Variants in PDE1C observed in about 807,000 individuals in gnomAD.
PDE1C encodes the protein phosphodiesterase 1C, also known as dual specificity calcium/calmodulin-dependent 3',5'-cyclic nucleotide phosphodiesterase 1C.
A neutral mutation model predicts 93.1 loss-of-function variants in PDE1C; 62 were observed. That is an observed-to-expected ratio of 0.67 (90% CI 0.54 to 0.82). The LOEUF is 0.82. Ranked by LOEUF, PDE1C falls within the 40% of genes least tolerant of loss-of-function variation. The probability of loss-of-function intolerance (pLI) is 0.00; values close to 1 mark genes in which losing one functional copy is unlikely to be tolerated. For missense variants in PDE1C, 742 were observed against 884.6 expected (o/e 0.84, Z 2.04); for synonymous variants, 325 against 310.1 (o/e 1.05, Z -0.50).
intron 1 of PDE1C, among the ~76,000 whole-genome samples, chr7:32,293,157 T>C (rs1199463033): frequency 6.6e-6 from 1 of 152,216 alleles, no homozygotes; most frequent in Non-Finnish European, 1.5e-5. Context: ...GCACTGTGCA[T>C]GGCCCTTCAT....
intron 3 of PDE1C, among the ~76,000 whole-genome samples, chr7:32,129,582 G>A (rs1799810389): frequency 6.6e-6 from 1 of 151,818 alleles, no homozygotes; most frequent in South Asian, 2.1e-4. Context: ...GTTAACATCA[G>A]TAGTGGTTTA....
At chr7:31,921,790 T>C (rs1802655249) in intron 2 of PDE1C, among the ~76,000 whole-genome samples, 1 of 152,222 alleles carries the variant, frequency 6.6e-6, no homozygotes, top group Non-Finnish European at 1.5e-5. Flanking sequence ...ATATAATGCT[T>C]TTACTGTTAT....
At chr7:32,307,148 A>C (rs1191078902) in intron 1 of PDE1C, among the ~76,000 whole-genome samples, 1 of 152,184 alleles carries the variant, frequency 6.6e-6, no homozygotes, top group Non-Finnish European at 1.5e-5. Context: ...AAATATCCAA[A>C]TTCTCAGTGA....
intron 1 of PDE1C, among the ~76,000 whole-genome samples, chr7:32,054,045 G>A (rs1296974283): frequency 1.3e-5 from 2 of 151,912 alleles, no homozygotes. Context: ...TATAAAGTGA[G>A]GTAGCAGGAA....
downstream of PDE1C, among the ~76,000 whole-genome samples, chr7:31,749,147 G>T (rs181208375): frequency 2.0e-5 from 3 of 152,164 alleles, no homozygotes; most frequent in East Asian, 5.8e-4. Flanking sequence ...GGCTTAACTG[G>T]CTTGCAGAAG....
At chr7:32,265,572 G>A (rs1810514793) in intron 1 of PDE1C, among the ~76,000 whole-genome samples, 1 of 152,160 alleles carries the variant, frequency 6.6e-6, no homozygotes, top group Non-Finnish European at 1.5e-5. Flanking sequence ...CAAACGTTGA[G>A]GGCATAATTT....
intron 1 of PDE1C, among the ~76,000 whole-genome samples, chr7:32,384,120 C>T (rs1320174840): frequency 6.6e-6 from 1 of 152,188 alleles, no homozygotes; most frequent in East Asian, 1.9e-4. Context: ...CCCATATTCA[C>T]CATCTATACA....
At chr7:32,049,198 A>G (rs994245298) in intron 2 of PDE1C, among the ~76,000 whole-genome samples, 2 of 152,190 alleles carry the variant, frequency 1.3e-5, no homozygotes, top group African/African-American at 4.8e-5. Context: ...CCGTGAGTCC[A>G]ACGAACCTGA....
chr7:32,247,902 T>C (rs1809083496), intron 1 of PDE1C, among the ~76,000 whole-genome samples: 1 of 152,120 alleles, frequency 6.6e-6, no homozygotes, highest in Non-Finnish European at 1.5e-5. Context: ...ATAGTACTAG[T>C]ACAATGGGCA....
At chr7:31,778,437 G>A (rs912567667) in intron 16 of PDE1C, among the ~76,000 whole-genome samples, 6 of 152,170 alleles carry the variant, frequency 3.9e-5, no homozygotes, top group Admixed American at 3.3e-4. Context: ...CATTTGGGCT[G>A]TACAATTCTT....
intron 2 of PDE1C, among the ~76,000 whole-genome samples, chr7:31,930,122 T>G (rs143583817): frequency 0.033 from 4,993 of 152,208 alleles, 276 homozygotes; most frequent in African/African-American, 0.11. Flanking sequence ...CATTAGAGAA[T>G]ACTATAAACA....
intron 2 of PDE1C, among the ~76,000 whole-genome samples, chr7:32,035,653 C>A (rs772190945): frequency 2.0e-5 from 3 of 152,118 alleles, no homozygotes; most frequent in Admixed American, 6.5e-5. Flanking sequence ...TATTTCCTTG[C>A]GGGGGTAAAG....
At chr7:32,029,099 T>A (rs1160840876) in intron 2 of PDE1C, among the ~76,000 whole-genome samples, 1 of 152,096 alleles carries the variant, frequency 6.6e-6, no homozygotes. Flanking sequence ...TAGATATTTC[T>A]CCAATGAAGA....
chr7:32,059,414 A>C (rs2128705868), intron 1 of PDE1C, among the ~76,000 whole-genome samples: 1 of 152,304 alleles, frequency 6.6e-6, no homozygotes, highest in East Asian at 1.9e-4. Flanking sequence ...ACCCCACAGG[A>C]AGCCCCACCT....
intron 11 of PDE1C, among the ~76,000 whole-genome samples, chr7:31,832,319 T>C (rs1270539851): frequency 6.6e-6 from 1 of 152,234 alleles, no homozygotes; most frequent in Non-Finnish European, 1.5e-5. Context: ...ATGACATATT[T>C]ACCAACGAGG....
chr7:32,400,648 A>G (rs1784924605), intron 1 of PDE1C, among the ~76,000 whole-genome samples: 1 of 152,204 alleles, frequency 6.6e-6, no homozygotes, highest in Non-Finnish European at 1.5e-5. Flanking sequence ...AAAACACTGG[A>G]CTAGAAGGTG....
intron 2 of PDE1C, among the ~76,000 whole-genome samples, chr7:31,998,139 C>A (rs538081496): frequency 6.6e-6 from 1 of 152,192 alleles, no homozygotes; most frequent in East Asian, 1.9e-4. Flanking sequence ...CCTGTCTCAG[C>A]CTCCCGAGTA....
At chr7:31,924,695 CCT>C (rs1282846623) in intron 2 of PDE1C, among the ~76,000 whole-genome samples, 2 of 152,200 alleles carry the variant, frequency 1.3e-5, no homozygotes, top group African/African-American at 4.8e-5. Context: ...TTACTCGATG[CCT>C]CTCTCATTCA....
the PDE1C span, among the ~76,000 whole-genome samples, chr7:31,743,370 C>G: frequency 4.2e-4 from 64 of 152,278 alleles, no homozygotes; most frequent in Non-Finnish European, 7.9e-4. Context: ...GCTCTTCCCC[C>G]TCCTTGGAAT....
Sources: allele counts gnomAD v4.1 joint callset (sites outside exome capture counted in the v4.1 genomes callset), GRCh38; gene constraint gnomAD v4.1.1; transcripts MANE v1.5; gene names NCBI Gene and HGNC (gene_info 2026-07-23, HGNC 2026-07-21).